Variants in ADGRB3 observed in about 807,000 individuals in gnomAD.
The protein encoded by ADGRB3 is brain-specific angiogenesis inhibitor 3.
In ADGRB3, 37 loss-of-function variants were observed where a neutral mutation model predicts 193.4. The observed-to-expected ratio is 0.19, with a 90% CI of 0.15 to 0.25. ADGRB3 has a LOEUF of 0.25. ADGRB3 is among the 10% of genes least tolerant of loss of function. ADGRB3 has a pLI of 1.00. For missense variants in ADGRB3, 1,637 were observed against 1,852.9 expected, an observed-to-expected ratio of 0.88 and a Z score of 2.14; for synonymous variants, 690 against 644.2, an observed-to-expected ratio of 1.07 and a Z score of -1.08.
intron 3 of ADGRB3, among the ~76,000 whole-genome samples, chr6:68,747,159 C>T (rs972625760): frequency 1.3e-5 from 2 of 152,050 alleles, no homozygotes; most frequent in African/African-American, 4.8e-5. Context: ...GAAAAATATG[C>T]CTTAGATATA....
intron 17 of ADGRB3, among the ~76,000 whole-genome samples, chr6:69,115,359 A>C (rs1332892167): frequency 6.6e-6 from 1 of 151,358 alleles, no homozygotes; most frequent in African/African-American, 2.4e-5. Flanking sequence ...AAAAACAAAC[A>C]CCGCATGTTC....
At chr6:69,213,520 A>G (rs1328132520) in intron 17 of ADGRB3, among the ~76,000 whole-genome samples, 1 of 152,180 alleles carries the variant, frequency 6.6e-6, no homozygotes, top group Admixed American at 6.5e-5. Context: ...TTCTCTTGCT[A>G]TATAGCATAG....
chr6:69,285,496 C>A (rs1767529745), intron 20 of ADGRB3, among the ~76,000 whole-genome samples: 2 of 151,946 alleles, frequency 1.3e-5, no homozygotes, highest in Admixed American at 1.3e-4. Context: ...CATGGTGAAA[C>A]CCTGTCTCTA....
At chr6:68,905,515 G>A (rs759098951) in intron 3 of ADGRB3, among the ~76,000 whole-genome samples, 35 of 152,118 alleles carry the variant, frequency 2.3e-4, no homozygotes, top group Non-Finnish European at 4.9e-4. Flanking sequence ...AATAGGCTAT[G>A]ATCTATTTTA....
chr6:69,361,814 T>TA (rs1272241502), intron 29 of ADGRB3, among the ~76,000 whole-genome samples: 1 of 144,926 alleles, frequency 6.9e-6, no homozygotes, highest in East Asian at 2.0e-4. Context: ...AAGGCACTCA[T>TA]AAAAAATAAA....
At chr6:68,651,504 A>T (rs201528221) in intron 3 of ADGRB3, among the ~76,000 whole-genome samples, 1 of 152,194 alleles carries the variant, frequency 6.6e-6, no homozygotes, top group African/African-American at 2.4e-5. Flanking sequence ...TATAATAAAT[A>T]TTACATGTGC....
intron 3 of ADGRB3, among the ~76,000 whole-genome samples, chr6:68,785,697 C>A (rs749457882): frequency 1.3e-5 from 2 of 151,956 alleles, no homozygotes; most frequent in African/African-American, 2.4e-5. Context: ...GGGTCAAATG[C>A]TATTTCTAGT....
At chr6:68,881,799 A>T (rs1195097695) in intron 3 of ADGRB3, among the ~76,000 whole-genome samples, 1 of 152,194 alleles carries the variant, frequency 6.6e-6, no homozygotes, top group Non-Finnish European at 1.5e-5. Flanking sequence ...TGTTTCATTT[A>T]TGTGTGTGCT....
chr6:69,164,196 T>C (rs1382833624), intron 17 of ADGRB3, among the ~76,000 whole-genome samples: 1 of 152,112 alleles, frequency 6.6e-6, no homozygotes, highest in African/African-American at 2.4e-5. Flanking sequence ...CAAGCTAAGC[T>C]AAGGACTGCC....
intron 3 of ADGRB3, among the ~76,000 whole-genome samples, chr6:68,864,132 A>G (rs1251569444): frequency 6.6e-6 from 1 of 152,212 alleles, no homozygotes; most frequent in Non-Finnish European, 1.5e-5. Context: ...AATATTTCAG[A>G]TATGATGCAG....
intron 8 of ADGRB3, among the ~76,000 whole-genome samples, chr6:68,961,155 C>T (rs1348233158): frequency 3.3e-5 from 5 of 152,112 alleles, no homozygotes; most frequent in Non-Finnish European, 7.4e-5. Context: ...GATCTCTTTA[C>T]AGCAGTCATT....
At chr6:68,765,563 C>CACAT (rs1766493376) in intron 3 of ADGRB3, among the ~76,000 whole-genome samples, 1 of 151,672 alleles carries the variant, frequency 6.6e-6, no homozygotes, top group South Asian at 2.1e-4. Flanking sequence ...CACACACACA[C>CACAT]ACACACACAC....
intron 3 of ADGRB3, among the ~76,000 whole-genome samples, chr6:68,869,008 T>C (rs973616516): frequency 6.6e-5 from 10 of 151,998 alleles, no homozygotes; most frequent in African/African-American, 2.4e-4. Context: ...TTTGTTTTGT[T>C]GATGCTCCCT....
chr6:68,709,081 T>C (rs1446534888), intron 3 of ADGRB3, among the ~76,000 whole-genome samples: 2 of 152,238 alleles, frequency 1.3e-5, no homozygotes, highest in Non-Finnish European at 2.9e-5. Context: ...TTGAACCTTT[T>C]ACTGCATTAA....
chr6:69,127,841 C>A (rs1773894908), intron 17 of ADGRB3, among the ~76,000 whole-genome samples: 1 of 151,920 alleles, frequency 6.6e-6, no homozygotes, highest in Admixed American at 6.6e-5. Context: ...TTCCCGTGAC[C>A]TGGGAATTTG....
At chr6:68,651,941 T>C (rs1489841758) in intron 3 of ADGRB3, among the ~76,000 whole-genome samples, 2 of 152,150 alleles carry the variant, frequency 1.3e-5, no homozygotes, top group Non-Finnish European at 2.9e-5. Flanking sequence ...TCACCAAGTA[T>C]GTGTAAGGAC....
At chr6:69,015,445 G>A (rs1357557641) in intron 12 of ADGRB3, among the ~76,000 whole-genome samples, 5 of 151,664 alleles carry the variant, frequency 3.3e-5, no homozygotes, top group Non-Finnish European at 5.9e-5. Context: ...TTGAAATAAC[G>A]ATTTGAAGCT....
intron 17 of ADGRB3, among the ~76,000 whole-genome samples, chr6:69,084,135 G>A (rs1772479973): frequency 6.6e-6 from 1 of 151,996 alleles, no homozygotes; most frequent in African/African-American, 2.4e-5. Flanking sequence ...CTTTCCTCTA[G>A]TGTTTGATCT....
Position 68,638,774 on chromosome 6 carries a change from G to T in ADGRB3, c.99G>T (p.Leu33Phe), listed in dbSNP as rs1352747885. The change falls in exon 3 of 32, where the codon TTG (leucine) becomes TTT (phenylalanine). Residue 33 changes from leucine to phenylalanine, a missense_variant. Physicochemically the swap from Leu to Phe is conservative, Grantham distance 22 (BLOSUM62 0). Coordinates refer to ENST00000370598, the MANE Select transcript of ADGRB3 (RefSeq NM_001704.3). ...NAAQDFWCSTLVKGVIYGSYS... is the reference protein window; with the variant it reads ...NAAQDFWCSTFVKGVIYGSYS... ...CCCAAGACTTCTGGTGTTCAACTTT[G>T]GTGAAGGGAGTCATTTATGGATCGT... is the stretch of plus-strand genomic sequence containing the variant. The T allele has an allele frequency of 1.9e-6, 3 of 1,613,956 alleles. No homozygotes were observed. In the Admixed American group the frequency reaches 5.0e-5, roughly 27 times the overall value.
Sources: allele counts gnomAD v4.1 joint callset (sites outside exome capture counted in the v4.1 genomes callset), GRCh38; gene constraint gnomAD v4.1.1; transcripts MANE v1.5; gene names NCBI Gene and HGNC (gene_info 2026-07-23, HGNC 2026-07-21).